The following GAK variants were observed in gnomAD, a reference collection of about 807,000 sequenced individuals.
GAK encodes the protein cyclin G associated kinase, also known as cyclin-G-associated kinase.
GAK carries 79 observed loss-of-function variants against 143.9 expected under a neutral mutation model. The ratio of observed to expected loss-of-function variants is 0.55; its 90% CI spans 0.46 to 0.66. The LOEUF (loss-of-function observed/expected upper bound fraction) is 0.66, where lower values mean the gene tolerates loss of function less well. Ranked by LOEUF, GAK falls within the 30% of genes least tolerant of loss-of-function variation. The probability of loss-of-function intolerance (pLI) is 0.00; values close to 1 mark genes in which losing one functional copy is unlikely to be tolerated. For missense variants in GAK, 1,693 were observed against 1,779.7 expected (o/e 0.95, Z 0.88); for synonymous variants, 881 against 765.5 (o/e 1.15, Z -2.49).
At chr4:893,184 C>T (rs569376837) in intron 9 of GAK, among the ~76,000 whole-genome samples, 193 bp downstream of exon 9, 2 of 150,868 alleles carry the variant, frequency 1.3e-5, no homozygotes, top group East Asian at 2.0e-4. Flanking sequence ...CTCCCCTCTG[C>T]GGGGGATCTG....
At position 888,854 on chromosome 4, in the gene GAK, C is replaced by T. The variant is rs1717078324; in HGVS notation, c.1198G>A (p.Val400Ile). The change falls in exon 11 of 28, where the codon GTC becomes ATC. Residue 400 changes from valine (V) to isoleucine (I), a missense_variant. By Grantham distance (29) the Val-to-Ile change is conservative. Around this residue, in one of 2 missense-constraint regions of GAK, gnomAD observed 871 missense variants for 991.0 expected, o/e 0.88. Coordinates refer to ENST00000314167, the MANE Select transcript of GAK (RefSeq NM_005255.4). ...KDTSSKVIQS[V>I]ANYAKGDLDI... ...CTGGAGCCTCACACTCACTTAGCGA[C>T]GGACTGGATGACCTTGGAGGAGGTG... 5.6e-6 allele frequency: 9 copies of T among 1,605,202 alleles called. No homozygotes were observed. Among genetic ancestry groups the T allele is most frequent in the East Asian group, 2.2e-5 (1 of 44,510 alleles).
At chr4:926,957 CT>C in intron 1 of GAK, among the ~76,000 whole-genome samples, 8 of 60,110 alleles carry the variant, frequency 1.3e-4, no homozygotes, top group Non-Finnish European at 2.3e-4. Flanking sequence ...CCCCGCACCC[CT>C]CCCCGCTCAC....
intron 1 of GAK, among the ~76,000 whole-genome samples, chr4:923,760 T>C (rs1560445388): frequency 1.3e-5 from 2 of 152,230 alleles, no homozygotes; most frequent in East Asian, 3.8e-4. Context: ...CCAGGTTCCC[T>C]GAGGCAGCCT....
intron 1 of GAK, among the ~76,000 whole-genome samples, chr4:922,005 C>T (rs989998936): frequency 3.3e-5 from 5 of 152,150 alleles, no homozygotes; most frequent in Admixed American, 2.6e-4. Flanking sequence ...AAAACCACGA[C>T]GCCAAATGCT....
rs1317560374 is a variant in GAK at position 876,547 on chromosome 4, G to A, written c.2037C>T (p.Thr679=). ...FHTGFVPRNA[T]TVKFAKYDLD... is the part of the protein sequence containing the mutation. ...CAACGTACTTGGCAAATTTCACAGT[G>A]GTGGCGTTCCGAGGCACAAACCCCG... The change falls in exon 18 of 28, where the codon ACC becomes ACT. Residue 679 remains threonine, a synonymous_variant. Transcript: ENST00000314167. 1.9e-6 allele frequency: 3 copies of A among 1,614,048 alleles called. No homozygotes were observed. The highest frequency in any genetic ancestry group is 2.7e-5 in the African/African-American group (2 of 74,954).
intron 1 of GAK, among the ~76,000 whole-genome samples, chr4:922,835 C>T (rs1363228926): frequency 2.0e-5 from 3 of 152,208 alleles, no homozygotes; most frequent in African/African-American, 7.2e-5. Context: ...CGTATATTCA[C>T]ACAAAAACCT....
chr4:898,267 C>A, intron 5 of GAK, 109 bp from the exon 6 acceptor site: 1 of 1,301,468 alleles, frequency 7.7e-7, no homozygotes, highest in Non-Finnish European at 1.1e-6. Flanking sequence ...AGACAGCACT[C>A]GCCCAGGGCC....
At chr4:890,488 G>C in intron 10 of GAK, 44 bp downstream of exon 10, 1 of 1,471,470 alleles carries the variant, frequency 6.8e-7, no homozygotes, top group Non-Finnish European at 9.3e-7. Flanking sequence ...CCGGGGTGCA[G>C]CAGGAGCGAG....
chr4:894,328 A>C (rs1226360152), intron 7 of GAK: 15 of 115,652 alleles, frequency 1.3e-4, no homozygotes, highest in East Asian at 2.9e-4. Context: ...CAGGGGTGAC[A>C]CCCAGGCCTG....
At position 867,076 on chromosome 4, in the gene GAK, G is replaced by A. The variant is rs1751327474; in HGVS notation, c.2752C>T (p.Pro918Ser). The change falls in exon 21 of 28, where the codon CCT becomes TCT. Residue 918 changes from proline (P) to serine (S), a missense_variant. By Grantham distance (74) the Pro-to-Ser change is moderately conservative (BLOSUM62 -1). Coordinates refer to ENST00000314167, the MANE Select transcript of GAK (RefSeq NM_005255.4). ...TDLLSCLLGP[P>S]EAASQGPPED... is the part of the protein sequence containing the mutation. ...GGGGGCCCCTGGGAGGCGGCCTCAG[G>A]GGGCCCAAGGAGGCAGCTGAGCAGG... is the stretch of plus-strand genomic sequence containing the variant. The A allele has an allele frequency of 6.5e-7, 1 of 1,540,306 alleles. No individual in the cohort carries two copies. The highest frequency in any genetic ancestry group is 8.7e-7 in the Non-Finnish European group (1 of 1,143,124).
At chr4:915,354 C>G (rs974323737) in intron 1 of GAK, 1 of 190,336 alleles carries the variant, frequency 5.3e-6, no homozygotes, top group Admixed American at 6.1e-5. Flanking sequence ...AAACCACAAG[C>G]AGTTCTCCAA....
At chr4:883,180 G>T in intron 13 of GAK, 135 bp downstream of exon 13, 1 of 1,030,290 alleles carries the variant, frequency 9.7e-7, no homozygotes, top group Non-Finnish European at 1.4e-6. Context: ...CCTGTCCCAC[G>T]CTCTGCAGCC....
rs186919264 is a variant in GAK, at chr4:899,399, G to A, written c.526-1241C>T. ...CGCCAGCCACAGATGGAAGGTGCTC[G>A]GCACACACGCGGTCAGTACGGGCTC... On this transcript the variant is annotated intron_variant, in intron 5 of 27. Coordinates refer to ENST00000314167, the MANE Select transcript of GAK (RefSeq NM_005255.4). Among the ~76,000 whole-genome samples, 50 of 152,126 alleles carry A rather than the reference G, an allele frequency of 3.3e-4. 1 individual carries two copies. The East Asian group carries it at 7.4e-3, about 22-fold the overall frequency.
intron 1 of GAK, chr4:913,890 A>G: frequency 2.7e-6 from 1 of 364,212 alleles, no homozygotes; most frequent in Non-Finnish European, 4.8e-6. Flanking sequence ...CCACACACAC[A>G]CAGCCCCAGC....
chr4:890,750 A>G lies in GAK; in HGVS notation c.991-128T>C, dbSNP rs2152847254. Reference sequence around the variant, plus strand: ...TGCCCCCTGATCTATGACACAGTGCAAGGGAGGAACTTCCCACAGGCTGAA... The same window carrying G: ...TGCCCCCTGATCTATGACACAGTGCGAGGGAGGAACTTCCCACAGGCTGAA... On this transcript the variant is annotated intron_variant, in intron 9 of 27. Coordinates refer to ENST00000314167, the MANE Select transcript of GAK (RefSeq NM_005255.4). 4 of 690,468 alleles carry G rather than the reference A, an allele frequency of 5.8e-6. No homozygotes were observed. In the East Asian group the frequency reaches 1.2e-4, roughly 20 times the overall value. 42.8% of individuals were successfully genotyped at this position (690,468 alleles called of 1,614,324 possible).
At chr4:927,777 G>A (rs577794261) in intron 1 of GAK, among the ~76,000 whole-genome samples, 62 of 115,812 alleles carry the variant, frequency 5.4e-4, no homozygotes, top group African/African-American at 2.1e-3. Context: ...GCTTACCTGC[G>A]CTCTGCACTG....
intron 23 of GAK, among the ~76,000 whole-genome samples, chr4:861,923 G>C (rs999006614): frequency 2.6e-5 from 4 of 152,248 alleles, no homozygotes; most frequent in Non-Finnish European, 4.4e-5. Flanking sequence ...TGAAGACGCT[G>C]CAGAAGAAAA....
chr4:868,691 G>A lies in GAK; in HGVS notation c.2249-6C>T, dbSNP rs1440547700. 29 of 1,548,086 alleles carry A rather than the reference G, an allele frequency of 1.9e-5. No individual in the cohort carries two copies. The highest frequency in any genetic ancestry group is 2.4e-5 in the Non-Finnish European group (28 of 1,146,592). ...CCGGGGAAGCTCCGGCTTCCCTGCA[G>A]GAGAGGGAGGGCGTCAGGGCACTGG... On this transcript the variant is annotated splice_region_variant and splice_polypyrimidine_tract_variant and intron_variant, in intron 19 of 27. Coordinates refer to ENST00000314167, the MANE Select transcript of GAK (RefSeq NM_005255.4).
intron 24 of GAK, among the ~76,000 whole-genome samples, chr4:856,615 G>GCTCACACCTGCTCACCACAGC (rs1560281866): frequency 9.1e-6 from 1 of 109,716 alleles, no homozygotes; most frequent in African/African-American, 3.7e-5. Context: ...CTCACCACAG[G>GCTCACACCTGCTCACCACAGC]TGCTCACACC....
Sources: allele counts gnomAD v4.1 joint callset (sites outside exome capture counted in the v4.1 genomes callset), GRCh38; gene constraint gnomAD v4.1.1; regional missense constraint gnomAD v4.1.1; transcripts MANE v1.5; gene names NCBI Gene and HGNC (gene_info 2026-07-23, HGNC 2026-07-21).